The following RBFOX1 variants were observed in gnomAD, a reference collection of about 807,000 sequenced individuals.
RBFOX1 encodes the protein RNA binding fox-1 homolog 1.
A neutral mutation model predicts 57.7 loss-of-function variants in RBFOX1; 8 were observed. The observed-to-expected ratio is 0.14, with a 90% CI of 0.08 to 0.25. The LOEUF is 0.25. RBFOX1 is among the 10% of genes least tolerant of loss of function. RBFOX1 has a pLI of 1.00. For synonymous variants in RBFOX1, 326 were observed against 222.4 expected (o/e 1.47, Z -4.15); for missense variants, 611 against 548.5 (o/e 1.11, Z -1.14).
chr16:5,994,289 G>C (rs992163631), intron 4 of RBFOX1, among the ~76,000 whole-genome samples: 1 of 152,164 alleles, frequency 6.6e-6, no homozygotes, highest in Non-Finnish European at 1.5e-5. Context: ...AGCCTCCTTA[G>C]TAGCTGGGAT....
chr16:5,776,583 C>G (rs2054157972), intron 3 of RBFOX1, among the ~76,000 whole-genome samples: 3 of 152,222 alleles, frequency 2.0e-5, no homozygotes, highest in South Asian at 2.1e-4. Context: ...TTTAGGCAGT[C>G]TTTTATTATG....
At chr16:6,990,322 C>T (rs1362587457) in intron 3 of RBFOX1, among the ~76,000 whole-genome samples, 7 of 151,948 alleles carry the variant, frequency 4.6e-5, no homozygotes, top group Admixed American at 6.6e-5. Flanking sequence ...GTCAGGAGTT[C>T]GAGACCAGCC....
chr16:5,355,446 G>C (rs1431476664), intron 1 of RBFOX1, among the ~76,000 whole-genome samples: 1 of 152,166 alleles, frequency 6.6e-6, no homozygotes, highest in African/African-American at 2.4e-5. Flanking sequence ...AGGTGTCAAG[G>C]TCAATGTCTG....
chr16:7,020,612 A>G (rs1465596493), intron 3 of RBFOX1, among the ~76,000 whole-genome samples: 2 of 152,238 alleles, frequency 1.3e-5, no homozygotes, highest in East Asian at 3.9e-4. Flanking sequence ...CAACCAGAAG[A>G]TCAGACATGT....
intron 3 of RBFOX1, among the ~76,000 whole-genome samples, chr16:6,937,625 G>C (rs1287843817): frequency 1.3e-5 from 2 of 152,074 alleles, no homozygotes; most frequent in African/African-American, 2.4e-5. Context: ...CATTGGTTCG[G>C]TCTGGAAAGG....
intron 4 of RBFOX1, among the ~76,000 whole-genome samples, chr16:7,324,510 G>C (rs773749177): frequency 9.9e-5 from 15 of 152,202 alleles, no homozygotes; most frequent in African/African-American, 3.6e-4. Flanking sequence ...CTCAAACCCA[G>C]TTGTCATTCA....
At chr16:5,841,477 A>G (rs568777558) in intron 3 of RBFOX1, among the ~76,000 whole-genome samples, 2 of 152,320 alleles carry the variant, frequency 1.3e-5, no homozygotes, top group East Asian at 3.9e-4. Flanking sequence ...TCCCTCCCAC[A>G]AAAAATTGCC....
chr16:5,658,543 A>G (rs952942653), intron 3 of RBFOX1, among the ~76,000 whole-genome samples: 1 of 151,958 alleles, frequency 6.6e-6, no homozygotes, highest in African/African-American at 2.4e-5. Context: ...TTCTCTGGGT[A>G]TTACCTGGAA....
At chr16:7,535,964 C>G (rs1312094273) in intron 5 of RBFOX1, among the ~76,000 whole-genome samples, 1 of 152,146 alleles carries the variant, frequency 6.6e-6, no homozygotes, top group Non-Finnish European at 1.5e-5. Flanking sequence ...CTTGGAGATA[C>G]AAGAGTGAAT....
chr16:7,157,406 C>A (rs775542407), intron 4 of RBFOX1, among the ~76,000 whole-genome samples: 4 of 151,926 alleles, frequency 2.6e-5, no homozygotes, highest in African/African-American at 9.7e-5. Flanking sequence ...ATGTAAAATG[C>A]ACTTAGGATC....
At chr16:6,607,674 T>C (rs1020346741) in intron 2 of RBFOX1, among the ~76,000 whole-genome samples, 7 of 152,072 alleles carry the variant, frequency 4.6e-5, no homozygotes, top group Admixed American at 1.3e-4. Context: ...CTCTGTATTA[T>C]GTCTGCCTAT....
intron 2 of RBFOX1, among the ~76,000 whole-genome samples, chr16:6,579,057 A>T (rs530765626): frequency 2.4e-4 from 36 of 152,260 alleles, no homozygotes; most frequent in African/African-American, 8.7e-4. Context: ...AAAATAACAA[A>T]TAATTTTTGA....
chr16:6,851,716 T>C (rs1257790873), intron 3 of RBFOX1, among the ~76,000 whole-genome samples: 1 of 152,054 alleles, frequency 6.6e-6, no homozygotes. Flanking sequence ...CAAAGGACTT[T>C]GGCAAATTCA....
At chr16:5,370,661 T>A (rs1265621938) in intron 1 of RBFOX1, among the ~76,000 whole-genome samples, 1 of 151,936 alleles carries the variant, frequency 6.6e-6, no homozygotes, top group Non-Finnish European at 1.5e-5. Context: ...CTCAGCTATT[T>A]TTTTTTTATG....
At chr16:7,613,446 G>C (rs186255139) in intron 10 of RBFOX1, among the ~76,000 whole-genome samples, 383 of 152,234 alleles carry the variant, frequency 2.5e-3, no homozygotes, top group African/African-American at 8.8e-3. Flanking sequence ...AAGTCACCTC[G>C]ACTGATTATA....
chr16:7,595,409 C>G (rs1243123602), intron 7 of RBFOX1, 140 bp from the exon 8 acceptor site: 2 of 564,196 alleles, frequency 3.5e-6, no homozygotes, highest in African/African-American at 1.9e-5. Flanking sequence ...TCTCAGTACT[C>G]TTATAATTTC....
At chr16:6,632,917 T>C (rs1361741510) in intron 2 of RBFOX1, among the ~76,000 whole-genome samples, 1 of 152,214 alleles carries the variant, frequency 6.6e-6, no homozygotes. Flanking sequence ...TGGGAAATTG[T>C]AAGCCTTCGA....
chr16:6,820,989 A>G (rs1394795596), intron 3 of RBFOX1, among the ~76,000 whole-genome samples: 11 of 152,216 alleles, frequency 7.2e-5, no homozygotes. Flanking sequence ...ATATACAGTT[A>G]CTTGTAAGGG....
intron 4 of RBFOX1, among the ~76,000 whole-genome samples, chr16:7,262,311 C>G (rs553540189): frequency 1.1e-4 from 13 of 115,410 alleles, no homozygotes; most frequent in East Asian, 2.3e-4. Context: ...GCCCATTTCT[C>G]TATTTTTTTT....
Sources: allele counts gnomAD v4.1 joint callset (sites outside exome capture counted in the v4.1 genomes callset), GRCh38; gene constraint gnomAD v4.1.1; transcripts MANE v1.5; gene names NCBI Gene and HGNC (gene_info 2026-07-23, HGNC 2026-07-21).